TMEM74: variants seen among roughly 807,000 people sequenced by gnomAD.
TMEM74 encodes the protein transmembrane protein 74.
A neutral mutation model predicts 18.1 loss-of-function variants in TMEM74; 13 were observed. That is an observed-to-expected ratio of 0.72 (90% CI 0.47 to 1.14). The LOEUF (loss-of-function observed/expected upper bound fraction) is 1.14. Among genes scored for constraint, TMEM74 ranks in the 50% most tolerant of loss-of-function variants. The probability of loss-of-function intolerance (pLI) is 0.00; values close to 1 mark genes in which losing one functional copy is unlikely to be tolerated. For synonymous variants in TMEM74, 159 were observed against 146.6 expected, an observed-to-expected ratio of 1.08 and a Z score of -0.61; for missense variants, 372 against 375.9, an observed-to-expected ratio of 0.99 and a Z score of 0.09.
At chr8:108,706,372 G>T (rs1813396168) in intron 1 of TMEM74, among the ~76,000 whole-genome samples, 1 of 152,190 alleles carries the variant, frequency 6.6e-6, no homozygotes, top group African/African-American at 2.4e-5. Context: ...AACATACTAG[G>T]CATGCTTCCT....
intron 1 of TMEM74, among the ~76,000 whole-genome samples, chr8:108,730,936 T>A (rs1813688892): frequency 6.6e-6 from 1 of 152,148 alleles, no homozygotes; most frequent in African/African-American, 2.4e-5. Context: ...TGCCACCATG[T>A]GTTCTTATAA....
chr8:108,697,125 C>T (rs1254851488), intron 1 of TMEM74, among the ~76,000 whole-genome samples: 1 of 152,138 alleles, frequency 6.6e-6, no homozygotes, highest in Non-Finnish European at 1.5e-5. Context: ...GGAGACCAGG[C>T]CACGGTGATC....
At chr8:108,742,539 G>C (rs1026162203) in intron 1 of TMEM74, among the ~76,000 whole-genome samples, 1 of 152,194 alleles carries the variant, frequency 6.6e-6, no homozygotes. Flanking sequence ...ACTACTAGCT[G>C]TGTGACTCTG....
chr8:108,701,091 A>G (rs946729368), intron 1 of TMEM74, among the ~76,000 whole-genome samples: 20 of 152,138 alleles, frequency 1.3e-4, no homozygotes, highest in African/African-American at 4.8e-4. Flanking sequence ...CAACATTTGA[A>G]AATCAATTAA....
chr8:108,703,438 T>C (rs1300054116), intron 1 of TMEM74, among the ~76,000 whole-genome samples: 1 of 152,116 alleles, frequency 6.6e-6, no homozygotes, highest in East Asian at 1.9e-4. Flanking sequence ...GGAAGAGGAA[T>C]CAAAGTAAAA....
At chr8:108,679,365 C>T (rs1435449261) in intron 1 of TMEM74, among the ~76,000 whole-genome samples, 1 of 152,178 alleles carries the variant, frequency 6.6e-6, no homozygotes, top group Middle Eastern at 3.2e-3. Flanking sequence ...GTCCCACCAA[C>T]AGTGTAAAAG....
intron 1 of TMEM74, among the ~76,000 whole-genome samples, chr8:108,757,223 A>C (rs1813985668): frequency 6.6e-6 from 1 of 152,062 alleles, no homozygotes; most frequent in Non-Finnish European, 1.5e-5. Flanking sequence ...TACTGTTTGC[A>C]ATAAGAACAG....
rs1658441979 is a variant in TMEM74 at position 108,784,286 on chromosome 8, A to G, written c.813T>C (p.Ser271=). Residue 271 remains serine, a synonymous_variant, in exon 2 of 2, where the codon TCT becomes TCC. Transcript: ENST00000297459. ...RRNRFASSKE[S]AKLYGSFNFR... ...AGTTGAAAGAACCATAGAGTTTTGC[A>G]GACTCTTTGGAAGAGGCAAATCTGT... 3 of 1,614,142 alleles carry G rather than the reference A, an allele frequency of 1.9e-6. No homozygotes were observed. Among genetic ancestry groups the G allele is most frequent in the Non-Finnish European group, 1.7e-6 (2 of 1,180,034 alleles).
intron 2 of TMEM74, among the ~76,000 whole-genome samples, chr8:108,630,600 G>A (rs997469239): frequency 6.6e-6 from 1 of 151,910 alleles, no homozygotes. Context: ...CTCAGCAAAT[G>A]CAAGGAAATC....
At chr8:108,754,356 A>G (rs1813934808) in intron 1 of TMEM74, among the ~76,000 whole-genome samples, 1 of 152,052 alleles carries the variant, frequency 6.6e-6, no homozygotes, top group South Asian at 2.1e-4. Flanking sequence ...ACATTTACCT[A>G]TATGGTAGAC....
chr8:108,671,752 A>G (rs1350630560), intron 1 of TMEM74, among the ~76,000 whole-genome samples: 1 of 152,188 alleles, frequency 6.6e-6, no homozygotes, highest in Non-Finnish European at 1.5e-5. Context: ...CAACTAGATT[A>G]AAACAAACTA....
intron 1 of TMEM74, among the ~76,000 whole-genome samples, chr8:108,673,033 T>C (rs1377834245): frequency 6.6e-6 from 1 of 152,216 alleles, no homozygotes; most frequent in Non-Finnish European, 1.5e-5. Context: ...ATTTATCTTA[T>C]GTAGCAGAGA....
intron 1 of TMEM74, among the ~76,000 whole-genome samples, chr8:108,726,516 G>A (rs1222435446): frequency 2.6e-5 from 4 of 152,130 alleles, no homozygotes; most frequent in East Asian, 1.9e-4. Flanking sequence ...TTTATAAGAC[G>A]TTAATAGGTA....
intron 1 of TMEM74, among the ~76,000 whole-genome samples, chr8:108,757,563 C>G (rs575196069): frequency 1.3e-5 from 2 of 151,710 alleles, no homozygotes; most frequent in African/African-American, 4.8e-5. Context: ...TGAGAAAGAA[C>G]CTTAACAAAG....
intron 2 of TMEM74, among the ~76,000 whole-genome samples, chr8:108,632,133 C>CAGCCT (rs1473379602): frequency 6.6e-6 from 1 of 151,950 alleles, no homozygotes; most frequent in Admixed American, 6.6e-5. Flanking sequence ...GACGTTATCC[C>CAGCCT]AGCCTAGAGA....
chr8:108,617,497 G>A (rs2935777), intron 2 of TMEM74, among the ~76,000 whole-genome samples: 67,986 of 151,924 alleles, frequency 0.45, 16,925 homozygotes, highest in East Asian at 0.71. Context: ...GGGACCTCCT[G>A]TCCATTTGTC....
At chr8:108,631,870 G>A (rs1312924134) in intron 2 of TMEM74, among the ~76,000 whole-genome samples, 2 of 152,010 alleles carry the variant, frequency 1.3e-5, no homozygotes, top group Non-Finnish European at 2.9e-5. Flanking sequence ...CACTGGGGGT[G>A]TAGATAGTTA....
intron 1 of TMEM74, among the ~76,000 whole-genome samples, chr8:108,703,444 T>C (rs1813358157): frequency 6.6e-6 from 1 of 152,074 alleles, no homozygotes; most frequent in South Asian, 2.1e-4. Flanking sequence ...GGAATCAAAG[T>C]AAAATCTGGT....
intron 1 of TMEM74, among the ~76,000 whole-genome samples, chr8:108,773,077 C>A (rs536396119): frequency 2.0e-5 from 3 of 152,088 alleles, no homozygotes; most frequent in East Asian, 1.9e-4. Context: ...GAGAATTGGG[C>A]AAATTTGGCA....
Sources: allele counts gnomAD v4.1 joint callset (sites outside exome capture counted in the v4.1 genomes callset), GRCh38; gene constraint gnomAD v4.1.1; transcripts MANE v1.5; gene names NCBI Gene and HGNC (gene_info 2026-07-23, HGNC 2026-07-21).